FST: variants seen among roughly 807,000 people sequenced by gnomAD.
The protein encoded by FST is follistatin.
Under a neutral mutation model 38.4 loss-of-function variants are expected in FST, and 6 were observed. That is an observed-to-expected ratio of 0.16 (90% CI 0.09 to 0.31). The LOEUF is 0.31. FST is among the 10% of genes least tolerant of loss of function. The probability of loss-of-function intolerance (pLI) is 1.00; values close to 1 mark genes in which losing one functional copy is unlikely to be tolerated. For missense variants in FST, 301 were observed against 432.3 expected, an observed-to-expected ratio of 0.70 and a Z score of 2.69; for synonymous variants, 157 against 169.8, an observed-to-expected ratio of 0.92 and a Z score of 0.59.
Position 53,483,715 on chromosome 5 carries a change from A to T in FST, c.489A>T (p.Arg163Ser). ...AACTGGAAGTCCAGTACCAAGGCAG[A>T]TGTAAAAGTAGGTCCTACCCTGTTG... is the stretch of plus-strand genomic sequence containing the variant. ...QPELEVQYQG[R>S]CKKTCRDVFC... The change falls in exon 3 of 6, where the codon AGA becomes AGT. Residue 163 changes from arginine (R) to serine (S), a missense_variant. Physicochemically the swap from Arg to Ser is moderately radical, Grantham distance 110. Transcript: ENST00000256759. This position sits in a 1 kb window ranked among gnomAD's most constrained non-coding sequence, Gnocchi z 4.1. 4 of 1,612,178 alleles carry T rather than the reference A, an allele frequency of 2.5e-6. No homozygotes were observed. The highest frequency in any genetic ancestry group is 2.2e-5 in the East Asian group (1 of 44,872).
chr5:53,483,485 G>A lies in FST; in HGVS notation c.278-19G>A. ...CTGCCTGGCTCTGGTTTTAATCCAT[G>A]CCTGTTTCTAACTCACAGAAACGTG... On this transcript the variant is annotated intron_variant, in intron 2 of 5. Coordinates refer to ENST00000256759, the MANE Select transcript of FST (RefSeq NM_013409.3). This position sits in a 1 kb window ranked among gnomAD's most constrained non-coding sequence, Gnocchi z 4.1. The A allele has an allele frequency of 6.3e-7, 1 of 1,594,102 alleles. No homozygotes were observed. The highest frequency in any genetic ancestry group is 1.1e-5 in the South Asian group (1 of 90,574).
At chr5:53,484,364 T>C in intron 4 of FST, 71 bp downstream of exon 4, 4 of 1,517,938 alleles carry the variant, frequency 2.6e-6, no homozygotes, top group Non-Finnish European at 3.6e-6. Flanking sequence ...TGGGGTTAAC[T>C]AATAAGTAAA....
chr5:53,481,482 A>AAAAAAAAAAAAAAAAAC (rs1441220505), intron 1 of FST, among the ~76,000 whole-genome samples: 2 of 150,296 alleles, frequency 1.3e-5, no homozygotes, highest in Non-Finnish European at 3.0e-5. Context: ...AAAAAAAAAA[A>AAAAAAAAAAAAAAAAAC]AAAAGCCAAA....
intron 1 of FST, among the ~76,000 whole-genome samples, chr5:53,481,867 T>C (rs1020571813): frequency 1.3e-5 from 2 of 152,198 alleles, no homozygotes; most frequent in African/African-American, 4.8e-5. Context: ...GTAGGAAGAC[T>C]CCCCCCTCCC....
At position 53,483,537 on chromosome 5, in the gene FST, A is replaced by T; in HGVS notation, c.311A>T (p.Lys104Ile). 6.2e-7 allele frequency: 1 copy of T among 1,614,240 alleles called. No homozygotes were observed. The highest frequency in any genetic ancestry group is 8.5e-7 in the Non-Finnish European group (1 of 1,180,026). The change falls in exon 3 of 6, where the codon AAA (lysine) becomes ATA (isoleucine). Residue 104 changes from lysine (K) to isoleucine (I), a missense_variant. Lys to Ile is a moderately radical substitution (Grantham distance 102, BLOSUM62 -3). Transcript: ENST00000256759. This position sits in a 1 kb window ranked among gnomAD's most constrained non-coding sequence, Gnocchi z 4.1. ...GAGAACGTGGACTGTGGACCTGGGAAAAAATGCCGAATGAACAAGAAGAAC... is the reference window on the plus strand; with the variant it reads ...GAGAACGTGGACTGTGGACCTGGGATAAAATGCCGAATGAACAAGAAGAAC... ...TCENVDCGPGKKCRMNKKNKP... is the reference protein window; with the variant it reads ...TCENVDCGPGIKCRMNKKNKP...
intron 1 of FST, chr5:53,482,555 G>A (rs991874599): frequency 1.6e-5 from 6 of 375,774 alleles, no homozygotes; most frequent in Non-Finnish European, 2.8e-5. Context: ...AAAAGTCAAT[G>A]CAAGCTGCAC....
At chr5:53,485,899 C>A in intron 5 of FST, 52 bp from the exon 6 acceptor site, 1 of 1,603,756 alleles carries the variant, frequency 6.2e-7, no homozygotes, top group Non-Finnish European at 8.5e-7. Context: ...GCTGCTTCTG[C>A]GCTGTTGTTG....
chr5:53,481,944 C>G (rs1747240253), intron 1 of FST, among the ~76,000 whole-genome samples: 1 of 152,254 alleles, frequency 6.6e-6, no homozygotes. Flanking sequence ...AACTGCCCTC[C>G]TGGGCACTGC....
At position 53,480,891 on chromosome 5, in the gene FST, A is replaced by C; in HGVS notation, c.85+15A>C. 1 of 1,461,654 alleles carries C rather than the reference A, an allele frequency of 6.8e-7. No individual in the cohort carries two copies. The highest frequency in any genetic ancestry group is 9.3e-7 in the Non-Finnish European group (1 of 1,075,666). The allele number at this position is 1,461,654 out of a possible 1,614,324, so 90.5% of individuals were successfully genotyped here. ...CAGTGCCCAGGGTAAGCGAGTGGGG[A>C]TGCGCTGGGGAGGCTTGGCTGAGGA... On this transcript the variant is annotated intron_variant, in intron 1 of 5. Transcript: ENST00000256759.
At chr5:53,482,021 C>G (rs1747246642) in intron 1 of FST, among the ~76,000 whole-genome samples, 1 of 152,208 alleles carries the variant, frequency 6.6e-6, no homozygotes, top group South Asian at 2.1e-4. Context: ...GCCTGGTGCC[C>G]GGACGTGGGC....
At chr5:53,481,392 G>A (rs767813348) in intron 1 of FST, among the ~76,000 whole-genome samples, 4 of 132,670 alleles carry the variant, frequency 3.0e-5, no homozygotes, top group Non-Finnish European at 6.1e-5. Flanking sequence ...AAATGTGGGT[G>A]CTGAAGATTT....
rs1747377677 is a variant in FST, at chr5:53,483,691, A to G, written c.465A>G (p.Glu155=). ...AGGCAAGATGTAAAGAGCAGCCAGA[A>G]CTGGAAGTCCAGTACCAAGGCAGAT... ...LLKARCKEQP[E]LEVQYQGRCK... Residue 155 remains glutamate, a synonymous_variant, in exon 3 of 6, where the codon GAA becomes GAG. Coordinates refer to ENST00000256759, the MANE Select transcript of FST (RefSeq NM_013409.3). This position sits in a 1 kb window ranked among gnomAD's most constrained non-coding sequence, Gnocchi z 4.1. 6.2e-7 allele frequency: 1 copy of G among 1,614,092 alleles called. No individual in the cohort carries two copies. The highest frequency in any genetic ancestry group is 8.5e-7 in the Non-Finnish European group (1 of 1,179,922).
rs550147513 is a variant in FST, at chr5:53,480,737, C to T, written c.-55C>T. The T allele has an allele frequency of 3.3e-4, 215 of 657,000 alleles. 8 individuals carry two copies. The South Asian group carries it at 0.011, about 32-fold the overall frequency. 40.7% of individuals were successfully genotyped at this position (657,000 alleles called of 1,614,324 possible). A position where few individuals can be genotyped will look rare whatever the true frequency, so the allele number is the denominator to read the frequency against. On this transcript the variant is annotated 5_prime_UTR_variant, in exon 1 of 6. Transcript: ENST00000256759. ...GCGCGCCGCTCGCCCGAGCCACCCG[C>T]CGCCGCGCCGGCTCCCCGCGCCGCT...
At chr5:53,482,285 CTTTCTT>C (rs1747274526) in intron 1 of FST, among the ~76,000 whole-genome samples, 1 of 150,368 alleles carries the variant, frequency 6.7e-6, no homozygotes, top group Admixed American at 6.6e-5. Context: ...CTTTCTTTCT[CTTTCTT>C]TTCTTTCTTT....
At chr5:53,480,937 T>C in intron 1 of FST, 61 bp downstream of exon 1, 1 of 849,906 alleles carries the variant, frequency 1.2e-6, no homozygotes. Context: ...GACTTTTCTG[T>C]GGTCTCCACT....
Position 53,485,232 on chromosome 5 carries a change from G to A in FST, c.952+5G>A. ...AGCACTCCGGATCTTGCAACTGTAA[G>A]TGCGATTTTTAACCTTGCTGCCATT... On this transcript the variant is annotated splice_donor_5th_base_variant and intron_variant, in intron 5 of 5. Coordinates refer to ENST00000256759, the MANE Select transcript of FST (RefSeq NM_013409.3). The A allele has an allele frequency of 6.5e-7, 1 of 1,527,240 alleles. No individual in the cohort carries two copies. 94.6% of individuals were successfully genotyped at this position (1,527,240 alleles called of 1,614,324 possible). A position where few individuals can be genotyped will look rare whatever the true frequency, so the allele number is the denominator to read the frequency against.
At position 53,483,522 on chromosome 5, in the gene FST, A is replaced by T; in HGVS notation, c.296A>T (p.Asp99Val). ...IPCKETCENV[D>V]CGPGKKCRMN... ...CTCACAGAAACGTGTGAGAACGTGG[A>T]CTGTGGACCTGGGAAAAAATGCCGA... is the stretch of plus-strand genomic sequence containing the variant. The change falls in exon 3 of 6, where the codon GAC becomes GTC. Residue 99 changes from aspartate to valine, a missense_variant. Coordinates refer to ENST00000256759, the MANE Select transcript of FST (RefSeq NM_013409.3). This position sits in a 1 kb window ranked among gnomAD's most constrained non-coding sequence, Gnocchi z 4.1. The T allele has an allele frequency of 6.2e-7, 1 of 1,613,776 alleles. No homozygotes were observed. The highest frequency in any genetic ancestry group is 8.5e-7 in the Non-Finnish European group (1 of 1,179,650).
In FST at chr5:53,480,750, TCCCCGCGCCGCTGCGCTCCTCG is replaced by T. The variant is rs1262654314; in HGVS notation, c.-32_-11del. 2.3e-5 allele frequency: 21 copies of T among 906,076 alleles called. No homozygotes were observed. In the South Asian group the frequency reaches 6.6e-4, roughly 28 times the overall value. 56.1% of individuals were successfully genotyped at this position (906,076 alleles called of 1,614,324 possible). A position where few individuals can be genotyped will look rare whatever the true frequency, so the allele number is the denominator to read the frequency against. On this transcript the variant is annotated 5_prime_UTR_variant, in exon 1 of 6. Transcript: ENST00000256759. ...CCGAGCCACCCGCCGCCGCGCCGGC[TCCCCGCGCCGCTGCGCTCCTCG>T]CCCCGCGCCTGCCCCCAGGATGGTC...
rs780137487 is a variant in FST at position 53,486,035 on chromosome 5, C to G, written c.*2C>G. 1.0e-6 allele frequency: 1 copy of G among 981,910 alleles called. No homozygotes were observed. Among genetic ancestry groups the G allele is most frequent in the Non-Finnish European group, 1.5e-6 (1 of 656,022 alleles). The allele number at this position is 981,910 out of a possible 1,614,324, so 60.8% of individuals were successfully genotyped here. ...ATATCTTCTATTCTAGAGTGGTAAA[C>G]TCTCTATAAGTGTTCAGTGTTGACA... On this transcript the variant is annotated 3_prime_UTR_variant, in exon 6 of 6. Coordinates refer to ENST00000256759, the MANE Select transcript of FST (RefSeq NM_013409.3).
Sources: allele counts gnomAD v4.1 joint callset (sites outside exome capture counted in the v4.1 genomes callset), GRCh38; gene constraint gnomAD v4.1.1; non-coding constraint Gnocchi (gnomAD v3.1); transcripts MANE v1.5; gene names NCBI Gene and HGNC (gene_info 2026-07-23, HGNC 2026-07-21).